APOBEC3D: variants seen among roughly 807,000 people sequenced by gnomAD.
APOBEC3D encodes the protein apolipoprotein B mRNA editing enzyme catalytic subunit 3D.
APOBEC3D carries 37 observed loss-of-function variants against 45.6 expected under a neutral mutation model. The ratio of observed to expected loss-of-function variants is 0.81; its 90% CI spans 0.62 to 1.07. The LOEUF (loss-of-function observed/expected upper bound fraction) is 1.07, where lower values mean the gene tolerates loss of function less well. APOBEC3D is among the 50% of genes least tolerant of loss of function. The probability of loss-of-function intolerance (pLI) is 0.00; values close to 1 mark genes in which losing one functional copy is unlikely to be tolerated. For synonymous variants in APOBEC3D, 175 were observed against 180.7 expected (o/e 0.97, Z 0.25); for missense variants, 496 against 495.3 (o/e 1.00, Z -0.01).
At chr22:39,023,067 T>C in intron 2 of APOBEC3D, 53 bp downstream of exon 2, 1 of 1,373,364 alleles carries the variant, frequency 7.3e-7, no homozygotes, top group South Asian at 2.0e-5. Flanking sequence ...GGCGGCGGGC[T>C]CTCAACTGTG....
At chr22:39,029,812 T>C (rs538497143) in intron 5 of APOBEC3D, among the ~76,000 whole-genome samples, 93 of 152,254 alleles carry the variant, frequency 6.1e-4, no homozygotes, top group African/African-American at 2.1e-3. Context: ...GGTTTCACCG[T>C]GGTGGCCAGG....
chr22:39,023,995 G>A (rs1396165625), intron 2 of APOBEC3D, among the ~76,000 whole-genome samples: 5 of 152,084 alleles, frequency 3.3e-5, no homozygotes, highest in Admixed American at 6.6e-5. Flanking sequence ...ATGCTGGGCA[G>A]TCCTGGCCTA....
At position 39,029,854 on chromosome 22, in the gene APOBEC3D, G is replaced by T. The variant is rs556609944; in HGVS notation, c.762+335G>T. Among the ~76,000 whole-genome samples the T allele has an allele frequency of 5.3e-5, 8 of 152,254 alleles. No homozygotes were observed. The East Asian group carries it at 5.8e-4, about 11-fold the overall frequency. ...TCAAACTCCTGACCTCAAGCGATCC[G>T]CCCCGCTTGGCCTCCCAACGTTCTA... On this transcript the variant is annotated intron_variant, in intron 5 of 6. Coordinates refer to ENST00000216099, the MANE Select transcript of APOBEC3D (RefSeq NM_152426.4).
intron 3 of APOBEC3D, 75 bp from the exon 4 acceptor site, chr22:39,025,482 G>GC: frequency 6.2e-7 from 1 of 1,614,016 alleles, no homozygotes; most frequent in East Asian, 2.2e-5. Context: ...GCAACTGACA[G>GC]CCAGGAGACC....
intron 2 of APOBEC3D, among the ~76,000 whole-genome samples, chr22:39,024,235 G>A (rs1218801876): frequency 6.6e-6 from 1 of 152,144 alleles, no homozygotes; most frequent in Admixed American, 6.5e-5. Flanking sequence ...TTGATGTGCC[G>A]AGGTCTCTCA....
At chr22:39,025,526 A>G (rs777417359) in intron 3 of APOBEC3D, 31 bp from the exon 4 acceptor site, 1 of 1,613,984 alleles carries the variant, frequency 6.2e-7, no homozygotes, top group Non-Finnish European at 8.5e-7. Context: ...GTCAGGGGAG[A>G]GCCTGAGTGC....
chr22:39,031,256 CA>C (rs1284464199), intron 5 of APOBEC3D, among the ~76,000 whole-genome samples: 14 of 151,758 alleles, frequency 9.2e-5, no homozygotes, highest in Admixed American at 1.3e-4. Context: ...ACTATGCACC[CA>C]GAAAAATGAA....
At chr22:39,026,137 C>T (rs780519700) in intron 4 of APOBEC3D, among the ~76,000 whole-genome samples, 1 of 152,198 alleles carries the variant, frequency 6.6e-6, no homozygotes, top group Non-Finnish European at 1.5e-5. Flanking sequence ...AAGATGCCCC[C>T]GGGCCGGGTG....
rs778365707 is a variant in APOBEC3D at position 39,025,233 on chromosome 22, A to C, written c.374A>C (p.Asn125Thr). 3 of 1,613,762 alleles carry C rather than the reference A, an allele frequency of 1.9e-6. No individual in the cohort carries two copies. The African/African-American group carries it at 4.0e-5, about 22-fold the overall frequency. The change falls in exon 3 of 7, where the codon AAT (asparagine) becomes ACT (threonine). Residue 125 changes from asparagine (N) to threonine (T), a missense_variant. Coordinates refer to ENST00000216099, the MANE Select transcript of APOBEC3D (RefSeq NM_152426.4). ...ACCAAATTCTTGGCTGAGCACCCCA[A>C]TGTCACCCTGACCATCTCTGCCGCC... is the stretch of plus-strand genomic sequence containing the variant. ...KVTKFLAEHP[N>T]VTLTISAARL...
chr22:39,025,295 G>A lies in APOBEC3D; in HGVS notation c.436G>A (p.Val146Met). 1.2e-6 allele frequency: 2 copies of A among 1,614,118 alleles called. No individual in the cohort carries two copies. Among genetic ancestry groups the A allele is most frequent in the Non-Finnish European group, 1.7e-6 (2 of 1,180,018 alleles). Residue 146 changes from valine (V) to methionine (M), a missense_variant, in exon 3 of 7, where the codon GTG becomes ATG. Val to Met is a conservative substitution (Grantham distance 21). Transcript: ENST00000216099. Reference sequence around the variant, plus strand: ...CTACCGGGATAGAGATTGGCGGTGGGTGCTCCTCAGGCTGCATAAGGCAGG... The same window carrying A: ...CTACCGGGATAGAGATTGGCGGTGGATGCTCCTCAGGCTGCATAAGGCAGG... ...YYYRDRDWRW[V>M]LLRLHKAGAR...
intron 6 of APOBEC3D, 29 bp downstream of exon 6, chr22:39,032,002 G>A: frequency 1.2e-6 from 2 of 1,612,644 alleles, no homozygotes; most frequent in Non-Finnish European, 1.7e-6. Context: ...AGGAGAGTGG[G>A]TGCGGGAGGG....
At chr22:39,026,292 G>T (rs1195292116) in intron 4 of APOBEC3D, among the ~76,000 whole-genome samples, 3 of 152,164 alleles carry the variant, frequency 2.0e-5, no homozygotes, top group Non-Finnish European at 2.9e-5. Flanking sequence ...CCTTTCCTCT[G>T]TGCACCTGCA....
rs771663715 is a variant in APOBEC3D at position 39,029,556 on chromosome 22, C to G, written c.762+37C>G. Reference sequence around the variant, plus strand: ...GTCCTATTTACACCCTAAATAGGAGCTAAGCAGCTGGGAACGCAGAAAACA... The same window carrying G: ...GTCCTATTTACACCCTAAATAGGAGGTAAGCAGCTGGGAACGCAGAAAACA... On this transcript the variant is annotated intron_variant, in intron 5 of 6. Transcript: ENST00000216099. 5 of 1,610,962 alleles carry G rather than the reference C, an allele frequency of 3.1e-6. No individual in the cohort carries two copies. In the African/African-American group the frequency reaches 6.7e-5, roughly 22 times the overall value.
In APOBEC3D at chr22:39,029,507, C is replaced by T; in HGVS notation, c.750C>T (p.Val250=). 1 of 1,614,182 alleles carries T rather than the reference C, an allele frequency of 6.2e-7. No homozygotes were observed. The highest frequency in any genetic ancestry group is 8.5e-7 in the Non-Finnish European group (1 of 1,180,030). ...CAGCTGTCTTCCGGAAGAGGGGCGTCTTCCGAAACCAGGTAGCACCAAAGT... is the reference window on the plus strand; with the variant it reads ...CAGCTGTCTTCCGGAAGAGGGGCGTTTTCCGAAACCAGGTAGCACCAAAGT... ...HHSAVFRKRG[V]FRNQVDPETH... is the part of the protein sequence containing the mutation. The change falls in exon 5 of 7, where the codon GTC becomes GTT. Residue 250 remains valine, a synonymous_variant. Coordinates refer to ENST00000216099, the MANE Select transcript of APOBEC3D (RefSeq NM_152426.4).
In APOBEC3D at chr22:39,031,673, C is replaced by T. The variant is rs751837228; in HGVS notation, c.763-21C>T. 20 of 1,583,822 alleles carry T rather than the reference C, an allele frequency of 1.3e-5. No homozygotes were observed. The South Asian group carries it at 2.2e-4, about 17-fold the overall frequency. ...GCTCCTGGTCTGAGCTCCCCCTGCCCTCCTCCTCCTCCTTCCCCAGGTGGA... is the reference window on the plus strand; with the variant it reads ...GCTCCTGGTCTGAGCTCCCCCTGCCTTCCTCCTCCTCCTTCCCCAGGTGGA... On this transcript the variant is annotated intron_variant, in intron 5 of 6. Transcript: ENST00000216099.
At chr22:39,026,908 T>C (rs1046280241) in intron 4 of APOBEC3D, among the ~76,000 whole-genome samples, 6 of 152,056 alleles carry the variant, frequency 3.9e-5, no homozygotes, top group Admixed American at 6.6e-5. Flanking sequence ...CATGCCACCA[T>C]GCCGGCTAAT....
rs1224209652 is a variant in APOBEC3D, at chr22:39,032,815, A to G, written c.*499A>G. The G allele has an allele frequency of 7.6e-6, 1 of 130,994 alleles. No homozygotes were observed. The highest frequency in any genetic ancestry group is 1.3e-5 in the Non-Finnish European group (1 of 76,150). 8.1% of individuals were successfully genotyped at this position (130,994 alleles called of 1,614,324 possible). ...TTTTTAGTAGTGACTGGGTTTCACC[A>G]TGTTGGCCAGGCTGGTCTTGAACTC... On this transcript the variant is annotated 3_prime_UTR_variant, in exon 7 of 7. Transcript: ENST00000216099.
rs572046067 is a variant in APOBEC3D, at chr22:39,031,615, C to G, written c.763-79C>G. On this transcript the variant is annotated intron_variant, in intron 5 of 6. Coordinates refer to ENST00000216099, the MANE Select transcript of APOBEC3D (RefSeq NM_152426.4). ...TGCCCTGGGGCTTCAGGCCTGCCCT[C>G]TTCTCCCATCGCCCCACCCCTACAC... is the stretch of plus-strand genomic sequence containing the variant. The G allele has an allele frequency of 3.2e-6, 5 of 1,569,962 alleles. No individual in the cohort carries two copies. In the African/African-American group the frequency reaches 6.8e-5, roughly 21 times the overall value.
chr22:39,028,325 C>G (rs1034985031), intron 4 of APOBEC3D, among the ~76,000 whole-genome samples: 10 of 152,246 alleles, frequency 6.6e-5, no homozygotes, highest in Non-Finnish European at 8.8e-5. Flanking sequence ...GCAGGGCCTG[C>G]GATGCAGAGG....
Sources: gnomAD v4.1 joint callset for allele counts (sites outside exome capture counted in the v4.1 genomes callset) on GRCh38, gnomAD v4.1.1 for gene constraint, MANE v1.5 for transcripts, NCBI Gene and HGNC (gene_info 2026-07-23, HGNC 2026-07-21) for gene names.